Variants in ANKS1A observed in about 807,000 individuals in gnomAD.
The protein encoded by ANKS1A is ankyrin repeat and SAM domain-containing protein 1A.
ANKS1A carries 55 observed loss-of-function variants against 120.3 expected under a neutral mutation model. The observed-to-expected ratio is 0.46, with a 90% CI of 0.37 to 0.57. The LOEUF (loss-of-function observed/expected upper bound fraction) is 0.57. ANKS1A is among the 20% of genes least tolerant of loss of function. ANKS1A has a pLI of 0.00. For missense variants in ANKS1A, 1,123 were observed against 1,480.3 expected (o/e 0.76, Z 3.96); for synonymous variants, 590 against 604.7 (o/e 0.98, Z 0.36).
chr6:35,079,431 G>C, intron 14 of ANKS1A, 85 bp from the exon 15 acceptor site: 1 of 1,558,048 alleles, frequency 6.4e-7, no homozygotes. Context: ...GCCACAGTCT[G>C]TGTGAGCTGG....
At chr6:35,080,954 C>T in intron 16 of ANKS1A, 40 bp from the exon 17 acceptor site, 1 of 1,596,930 alleles carries the variant, frequency 6.3e-7, no homozygotes, top group Non-Finnish European at 8.6e-7. Flanking sequence ...GGGCACTGGG[C>T]CGAGGGTTGC....
At chr6:35,071,211 C>T (rs950473695) in intron 13 of ANKS1A, among the ~76,000 whole-genome samples, 58 of 152,286 alleles carry the variant, frequency 3.8e-4, no homozygotes, top group African/African-American at 1.3e-3. Context: ...GCATACCTCA[C>T]ATATATCGCT....
chr6:34,892,589 C>T (rs1222366961), intron 1 of ANKS1A, among the ~76,000 whole-genome samples: 2 of 152,204 alleles, frequency 1.3e-5, no homozygotes, highest in Non-Finnish European at 2.9e-5. Flanking sequence ...TCCCCCATCC[C>T]GTATTCCACA....
At chr6:34,896,188 G>C (rs986649504) in intron 1 of ANKS1A, among the ~76,000 whole-genome samples, 14 of 151,466 alleles carry the variant, frequency 9.2e-5, no homozygotes, top group African/African-American at 3.2e-4. Flanking sequence ...TTGTGCCTCA[G>C]CCTCCTGAGT....
In ANKS1A at chr6:34,982,541, G is replaced by A. The variant is rs1581592906; in HGVS notation, c.733-211G>A. Among the ~76,000 whole-genome samples, 1 of 152,142 alleles carries A rather than the reference G, an allele frequency of 6.6e-6. No individual in the cohort carries two copies. The highest frequency in any genetic ancestry group is 1.9e-4 in the East Asian group (1 of 5,190). On this transcript the variant is annotated intron_variant, in intron 4 of 23. Coordinates refer to ENST00000360359, the MANE Select transcript of ANKS1A (RefSeq NM_015245.3). This position sits in a 1 kb window ranked among gnomAD's most constrained non-coding sequence, Gnocchi z 4.9. ...AGAGTAACTGTTCAGTTATTCACAC[G>A]TGGCCTGCTGGTGGCACAGAATGGC...
chr6:34,928,037 C>T (rs1768801924), intron 1 of ANKS1A, among the ~76,000 whole-genome samples: 2 of 152,202 alleles, frequency 1.3e-5, no homozygotes, highest in African/African-American at 4.8e-5. Context: ...ACATGCGGTA[C>T]TGGCTTCTTA....
chr6:35,024,858 G>A (rs2127564172), intron 11 of ANKS1A, among the ~76,000 whole-genome samples: 1 of 152,322 alleles, frequency 6.6e-6, no homozygotes, highest in African/African-American at 2.4e-5. Context: ...TGTAAAATAA[G>A]GAGATTTGCA....
chr6:35,061,136 G>T (rs1041838462), intron 13 of ANKS1A, among the ~76,000 whole-genome samples: 2 of 152,176 alleles, frequency 1.3e-5, no homozygotes, highest in East Asian at 1.9e-4. Context: ...ATGTGGACTC[G>T]TATTAATCCA....
chr6:35,001,341 A>G (rs920771381), intron 10 of ANKS1A, among the ~76,000 whole-genome samples: 3 of 152,248 alleles, frequency 2.0e-5, no homozygotes, highest in Non-Finnish European at 4.4e-5. Flanking sequence ...CCTGGTTGGA[A>G]TGGATCAAAT....
chr6:35,072,877 G>A (rs1225786660), intron 13 of ANKS1A, among the ~76,000 whole-genome samples: 1 of 152,146 alleles, frequency 6.6e-6, no homozygotes, highest in Non-Finnish European at 1.5e-5. Flanking sequence ...GCGTCTGCCC[G>A]CACCCCCACA....
chr6:34,903,931 C>A (rs1275901165), intron 1 of ANKS1A, among the ~76,000 whole-genome samples: 2 of 152,204 alleles, frequency 1.3e-5, no homozygotes, highest in African/African-American at 4.8e-5. Context: ...CTCAAGCAAT[C>A]TTTCTGCCTT....
At position 34,982,724 on chromosome 6, in the gene ANKS1A, C is replaced by G; in HGVS notation, c.733-28C>G. The G allele has an allele frequency of 6.2e-7, 1 of 1,613,746 alleles. No homozygotes were observed. Among genetic ancestry groups the G allele is most frequent in the Admixed American group, 1.7e-5 (1 of 60,034 alleles). On this transcript the variant is annotated intron_variant, in intron 4 of 23. Coordinates refer to ENST00000360359, the MANE Select transcript of ANKS1A (RefSeq NM_015245.3). This position sits in a 1 kb window ranked among gnomAD's most constrained non-coding sequence, Gnocchi z 4.9. ...CGCACCAAACTGTTCTGATGACATCCCGCTCTGCGCTCTCGTTTGCTTTCC... is the reference window on the plus strand; with the variant it reads ...CGCACCAAACTGTTCTGATGACATCGCGCTCTGCGCTCTCGTTTGCTTTCC...
rs899363384 is a variant in ANKS1A, at chr6:35,078,430, C to T, written c.2185-128C>T. 8 of 807,744 alleles carry T rather than the reference C, an allele frequency of 9.9e-6. No homozygotes were observed. The African/African-American group carries it at 1.2e-4, about 12-fold the overall frequency. The allele number at this position is 807,744 out of a possible 1,614,324, so 50.0% of individuals were successfully genotyped here. A position where few individuals can be genotyped will look rare whatever the true frequency, so the allele number is the denominator to read the frequency against. ...CGTGGGCAGTCTGGGCAGACTTGTC[C>T]CCATGCCCTCTTGGTGCCTGCAGTG... On this transcript the variant is annotated intron_variant, in intron 13 of 23. Transcript: ENST00000360359.
rs903320714 is a variant in ANKS1A, at chr6:35,086,935, GCTTC to G, written c.3304-13_3304-10del. ...ACAGAGCTCCCTCTGACTCTTGACT[GCTTC>G]CTTGTTTGGCAGCTGGAACCACCTG... On this transcript the variant is annotated splice_polypyrimidine_tract_variant and intron_variant, in intron 22 of 23. Coordinates refer to ENST00000360359, the MANE Select transcript of ANKS1A (RefSeq NM_015245.3). The surrounding 1 kb of genome is among the most constrained non-coding windows in gnomAD (Gnocchi z 5.1). 6.2e-7 allele frequency: 1 copy of G among 1,613,546 alleles called. No individual in the cohort carries two copies. The highest frequency in any genetic ancestry group is 8.5e-7 in the Non-Finnish European group (1 of 1,179,482).
chr6:35,013,926 A>T (rs924490121), intron 10 of ANKS1A, among the ~76,000 whole-genome samples: 1 of 152,334 alleles, frequency 6.6e-6, no homozygotes, highest in East Asian at 1.9e-4. Context: ...TGTGGAGGAT[A>T]ATAACAATTT....
rs555933291 is a variant in ANKS1A at position 34,953,951 on chromosome 6, C to A, written c.198-13288C>A. Among the ~76,000 whole-genome samples, 167 of 152,206 alleles carry A rather than the reference C, an allele frequency of 1.1e-3. 1 individual carries two copies. The South Asian group carries it at 0.032, about 29-fold the overall frequency. On this transcript the variant is annotated intron_variant, in intron 1 of 23. Coordinates refer to ENST00000360359, the MANE Select transcript of ANKS1A (RefSeq NM_015245.3). ...TTGTGCAACAGAAACAATCAATGCTCAAGGGTTAAGAAGCCACTAATAAAG... is the reference window on the plus strand; with the variant it reads ...TTGTGCAACAGAAACAATCAATGCTAAAGGGTTAAGAAGCCACTAATAAAG...
At chr6:35,087,187 C>A in intron 23 of ANKS1A, 138 bp downstream of exon 23, 1 of 850,744 alleles carries the variant, frequency 1.2e-6, no homozygotes, top group Non-Finnish European at 1.9e-6. Flanking sequence ...GCACTGGGAC[C>A]TGCTCCTCTT....
At chr6:35,029,349 C>CTTTTT (rs776256932) in intron 11 of ANKS1A, among the ~76,000 whole-genome samples, 1 of 105,766 alleles carries the variant, frequency 9.5e-6, no homozygotes. Context: ...ATGACTTCTG[C>CTTTTT]TTTTTTTTTT....
In ANKS1A at chr6:35,090,285, C is replaced by T. The variant is rs772393459; in HGVS notation, c.*1676C>T. The stretch of plus-strand genomic sequence containing the variant: ...ACAGTTCTCGGCCCCGGCTTTCTTC[C>T]AAGAGTTGACCAGGAACCCTAAAGC... On this transcript the variant is annotated 3_prime_UTR_variant, in exon 24 of 24. Transcript: ENST00000360359. 1 of 1,289,736 alleles carries T rather than the reference C, an allele frequency of 7.8e-7. No individual in the cohort carries two copies. Among genetic ancestry groups the T allele is most frequent in the South Asian group, 1.2e-5 (1 of 81,026 alleles). The allele number at this position is 1,289,736 out of a possible 1,614,324, so 79.9% of individuals were successfully genotyped here.
Sources: allele counts gnomAD v4.1 joint callset (sites outside exome capture counted in the v4.1 genomes callset), GRCh38; gene constraint gnomAD v4.1.1; non-coding constraint Gnocchi (gnomAD v3.1); transcripts MANE v1.5; gene names NCBI Gene and HGNC (gene_info 2026-07-23, HGNC 2026-07-21).